ICA1L: variants seen among roughly 807,000 people sequenced by gnomAD.
The protein encoded by ICA1L is islet cell autoantigen 1-like protein.
ICA1L carries 50 observed loss-of-function variants against 61.3 expected under a neutral mutation model. The ratio of observed to expected loss-of-function variants is 0.82; its 90% CI spans 0.65 to 1.03. ICA1L has a LOEUF of 1.03. ICA1L is among the 50% of genes least tolerant of loss of function. The pLI is 0.00. For synonymous variants in ICA1L, 161 were observed against 191.3 expected (o/e 0.84, Z 1.31); for missense variants, 508 against 556.7 (o/e 0.91, Z 0.88).
chr2:202,801,845 G>A (rs947846254), intron 9 of ICA1L, among the ~76,000 whole-genome samples: 1 of 152,180 alleles, frequency 6.6e-6, no homozygotes, highest in Non-Finnish European at 1.5e-5. Flanking sequence ...GGTTAAAGTG[G>A]TCACCAGGCT....
intron 9 of ICA1L, among the ~76,000 whole-genome samples, chr2:202,808,668 G>A (rs888005370): frequency 6.6e-6 from 1 of 152,178 alleles, no homozygotes; most frequent in African/African-American, 2.4e-5. Context: ...TATTTTGCTG[G>A]CTTTGGAGAA....
intron 1 of ICA1L, among the ~76,000 whole-genome samples, chr2:202,832,435 CAAAAA>C (rs35735506): frequency 1.2e-5 from 1 of 80,878 alleles, no homozygotes; most frequent in Non-Finnish European, 2.5e-5. Flanking sequence ...GACTCCGTCA[CAAAAA>C]AAAAAAAAAA....
rs139150386 is a variant in ICA1L, at chr2:202,819,746, T to A, written c.513A>T (p.Gln171His). Residue 171 changes from glutamine (Q) to histidine (H), a missense_variant, in exon 5 of 13, where the codon CAA (glutamine) becomes CAT (histidine). By Grantham distance (24) the Gln-to-His change is conservative. Transcript: ENST00000358299. ...GALLWMKDVS[Q>H]ELDPDTLKQM... ...GCTTTAAGGTGTCTGGGTCCAGCTCTTGGGATACATCTTTCATCCACAGTA... is the reference window on the plus strand; with the variant it reads ...GCTTTAAGGTGTCTGGGTCCAGCTCATGGGATACATCTTTCATCCACAGTA... The A allele has an allele frequency of 8.7e-6, 14 of 1,614,088 alleles. No individual in the cohort carries two copies. In the African/African-American group the frequency reaches 1.7e-4, roughly 20 times the overall value.
At chr2:202,809,598 C>T (rs1297512839) in intron 9 of ICA1L, among the ~76,000 whole-genome samples, 4 of 151,476 alleles carry the variant, frequency 2.6e-5, no homozygotes, top group African/African-American at 4.9e-5. Flanking sequence ...TGCCATGAGC[C>T]GAGATGGTGC....
intron 1 of ICA1L, among the ~76,000 whole-genome samples, chr2:202,851,202 C>T (rs1245616012): frequency 6.6e-6 from 1 of 151,674 alleles, no homozygotes; most frequent in Non-Finnish European, 1.5e-5. Flanking sequence ...TAATGTTCCC[C>T]TTCCTGTGAC....
intron 1 of ICA1L, among the ~76,000 whole-genome samples, chr2:202,841,982 C>T (rs1296939488): frequency 1.3e-5 from 2 of 151,810 alleles, no homozygotes; most frequent in Non-Finnish European, 2.9e-5. Context: ...TCCCGAGTAG[C>T]TGGGATTACA....
chr2:202,858,875 G>C (rs2105887211), intron 1 of ICA1L, among the ~76,000 whole-genome samples: 1 of 152,260 alleles, frequency 6.6e-6, no homozygotes, highest in African/African-American at 2.4e-5. Flanking sequence ...CCACCATCTA[G>C]GTTTGTGTAA....
intron 1 of ICA1L, chr2:202,860,109 A>T (rs1694871177): frequency 6.6e-6 from 1 of 151,784 alleles, no homozygotes; most frequent in African/African-American, 2.4e-5. Flanking sequence ...CTCTAAAAAA[A>T]ATTTTTTTTT....
At chr2:202,796,077 G>GA (rs35547863) in intron 10 of ICA1L, among the ~76,000 whole-genome samples, 5,964 of 147,136 alleles carry the variant, frequency 0.041, 185 homozygotes, top group African/African-American at 0.077. Context: ...GCCTTTGGGG[G>GA]AAAAAAAAAA....
intron 11 of ICA1L, chr2:202,786,603 A>G (rs1338084553): frequency 3.2e-6 from 1 of 315,798 alleles, no homozygotes; most frequent in African/African-American, 2.2e-5. Context: ...TATAGGAAGA[A>G]GTTCTAAAGA....
rs533010925 is a variant in ICA1L at position 202,838,603 on chromosome 2, T to C, written c.-7-9587A>G. Among the ~76,000 whole-genome samples, 416 of 152,332 alleles carry C rather than the reference T, an allele frequency of 2.7e-3. 3 individuals carry two copies. The highest frequency in any genetic ancestry group is 9.3e-3 in the African/African-American group (387 of 41,572). On this transcript the variant is annotated intron_variant, in intron 1 of 12. Coordinates refer to ENST00000358299, the MANE Select transcript of ICA1L (RefSeq NM_001288622.3). The stretch of plus-strand genomic sequence containing the variant: ...CTTTATATATTTAGGAACTCTGATG[T>C]TGCATGTAACACATATTTGCAATTA...
chr2:202,845,117 C>A (rs1255874905), intron 1 of ICA1L, among the ~76,000 whole-genome samples: 1 of 152,174 alleles, frequency 6.6e-6, no homozygotes, highest in Non-Finnish European at 1.5e-5. Context: ...TTGGACACAC[C>A]TAAATAATCC....
In ICA1L at chr2:202,828,999, A is replaced by G. The variant is rs1559140651; in HGVS notation, c.11T>C (p.Phe4Ser). Residue 4 changes from phenylalanine to serine, a missense_variant, in exon 2 of 13, where the codon TTT (phenylalanine) becomes TCT (serine). Phe to Ser is a radical substitution (Grantham distance 155). Transcript: ENST00000358299. ...ATTATCTTCTGGTCTGGGTTGCCCA[A>G]AGGAATCCATGGAGTGACTACAATG... is the stretch of plus-strand genomic sequence containing the variant. MDS[F>S]GQPRPEDNQS... is the part of the protein sequence containing the mutation. The G allele has an allele frequency of 2.5e-6, 4 of 1,578,574 alleles. No individual in the cohort carries two copies. Among genetic ancestry groups the G allele is most frequent in the South Asian group, 1.2e-5 (1 of 84,184 alleles).
intron 1 of ICA1L, among the ~76,000 whole-genome samples, chr2:202,839,582 G>A (rs1266488590): frequency 7.4e-6 from 1 of 135,770 alleles, no homozygotes; most frequent in Non-Finnish European, 1.7e-5. Context: ...GTGTGTGTGT[G>A]TGTGTGTGTG....
chr2:202,804,611 G>A (rs992253965), intron 9 of ICA1L, among the ~76,000 whole-genome samples: 1 of 152,188 alleles, frequency 6.6e-6, no homozygotes. Flanking sequence ...TTCTCAACAC[G>A]TAAACAAAAA....
At chr2:202,870,770 C>G (rs1687679787) in intron 1 of ICA1L, 1 of 152,236 alleles carries the variant, frequency 6.6e-6, no homozygotes, top group African/African-American at 2.4e-5. Flanking sequence ...TTTATAACAG[C>G]TTTTATGCTG....
intron 10 of ICA1L, among the ~76,000 whole-genome samples, chr2:202,795,619 A>G (rs1202098205): frequency 6.6e-6 from 1 of 152,074 alleles, no homozygotes; most frequent in Admixed American, 6.5e-5. Flanking sequence ...AAAAACAACT[A>G]TGTGGCACTG....
chr2:202,779,690 T>C, intron 12 of ICA1L, 42 bp from the exon 13 acceptor site: 1 of 1,168,698 alleles, frequency 8.6e-7, no homozygotes, highest in Non-Finnish European at 1.3e-6. Flanking sequence ...GATTCAGTTT[T>C]GAAATCATGT....
At position 202,779,201 on chromosome 2, in the gene ICA1L, T is replaced by G. The variant is rs1439382127; in HGVS notation, c.*332A>C. On this transcript the variant is annotated 3_prime_UTR_variant, in exon 13 of 13. Transcript: ENST00000358299. Reference sequence around the variant, plus strand: ...CAACTTAAAAGGGTTTCCAAAGAAATAAGCTCAACTCCATATTGACAGAAT... The same window carrying G: ...CAACTTAAAAGGGTTTCCAAAGAAAGAAGCTCAACTCCATATTGACAGAAT... 4.9e-6 allele frequency: 1 copy of G among 205,196 alleles called. No individual in the cohort carries two copies. Among genetic ancestry groups the G allele is most frequent in the Non-Finnish European group, 9.6e-6 (1 of 103,668 alleles). 12.7% of individuals were successfully genotyped at this position (205,196 alleles called of 1,614,324 possible).
Sources: gnomAD v4.1 joint callset for allele counts (sites outside exome capture counted in the v4.1 genomes callset) on GRCh38, gnomAD v4.1.1 for gene constraint, MANE v1.5 for transcripts, NCBI Gene and HGNC (gene_info 2026-07-23, HGNC 2026-07-21) for gene names.